The following ELP4 variants were observed in gnomAD, a reference collection of about 807,000 sequenced individuals.
The protein encoded by ELP4 is elongator acetyltransferase complex subunit 4.
ELP4 carries 51 observed loss-of-function variants against 48.9 expected under a neutral mutation model. The observed-to-expected ratio is 1.04, with a 90% CI of 0.83 to 1.32. The LOEUF is 1.32. ELP4 is among the 40% of genes most tolerant of loss of function. ELP4 has a pLI of 0.00. For synonymous variants in ELP4, 210 were observed against 189.2 expected (o/e 1.11, Z -0.90); for missense variants, 519 against 514.6 (o/e 1.01, Z -0.08).
chr11:31,716,659 C>T (rs1364515102), intron 9 of ELP4, among the ~76,000 whole-genome samples: 3 of 152,140 alleles, frequency 2.0e-5, no homozygotes, highest in East Asian at 3.8e-4. Flanking sequence ...AGATGATTTA[C>T]GTAGCTGGAC....
chr11:31,659,361 C>T (rs1377378111), intron 9 of ELP4, among the ~76,000 whole-genome samples: 1 of 152,056 alleles, frequency 6.6e-6, no homozygotes, highest in African/African-American at 2.4e-5. Context: ...TGTAGAGAAT[C>T]AAACTAAATC....
intron 9 of ELP4, among the ~76,000 whole-genome samples, chr11:31,669,857 T>G (rs951481100): frequency 1.3e-5 from 2 of 152,210 alleles, no homozygotes; most frequent in Non-Finnish European, 2.9e-5. Flanking sequence ...ACTGTTTAGA[T>G]TTTCCCTAAT....
At chr11:31,704,400 C>T (rs1398471568) in intron 9 of ELP4, among the ~76,000 whole-genome samples, 1 of 152,036 alleles carries the variant, frequency 6.6e-6, no homozygotes, top group Non-Finnish European at 1.5e-5. Context: ...AAAAACCATA[C>T]ACCGCATGTT....
In ELP4 at chr11:31,783,411, G is replaced by A; in HGVS notation, c.1162G>A (p.Asp388Asn). 3 of 1,613,422 alleles carry A rather than the reference G, an allele frequency of 1.9e-6. No homozygotes were observed. The South Asian group carries it at 3.3e-5, about 18-fold the overall frequency. Residue 388 changes from aspartate (D) to asparagine (N), a missense_variant, in exon 10 of 10, where the codon GAC becomes AAC. Transcript: ENST00000640961. ...FTIERLHLPP[D>N]LSDTVSRSSK... The stretch of plus-strand genomic sequence containing the variant: ...GCCATAGCGACTGCATTTGCCTCCA[G>A]ACTTGTCAGACACAGTGAGCCGCTC...
Position 31,789,959 on chromosome 11 carries a change from G to C in ELP4, c.*6435G>C, listed in dbSNP as rs781399901. 2.1e-6 allele frequency: 3 copies of C among 1,428,398 alleles called. No individual in the cohort carries two copies. Among genetic ancestry groups the C allele is most frequent in the Admixed American group, 1.9e-5 (1 of 53,200 alleles). The allele number at this position is 1,428,398 out of a possible 1,614,324, so 88.5% of individuals were successfully genotyped here. A position where few individuals can be genotyped will look rare whatever the true frequency, so the allele number is the denominator to read the frequency against. On this transcript the variant is annotated 3_prime_UTR_variant, in exon 10 of 10. Transcript: ENST00000640961. ...TTACTGTAATCTTGGCCAGTATTGAGACATATCAGGTTCACTTCCGGGAAC... is the reference window on the plus strand; with the variant it reads ...TTACTGTAATCTTGGCCAGTATTGACACATATCAGGTTCACTTCCGGGAAC...
intron 3 of ELP4, among the ~76,000 whole-genome samples, chr11:31,561,455 T>C (rs768926673): frequency 2.0e-5 from 3 of 149,178 alleles, no homozygotes; most frequent in Non-Finnish European, 4.5e-5. Context: ...TATTTTTTAT[T>C]TTTTGAGATG....
At chr11:31,518,297 C>T (rs1180275334) in intron 1 of ELP4, among the ~76,000 whole-genome samples, 2 of 151,092 alleles carry the variant, frequency 1.3e-5, no homozygotes, top group Admixed American at 6.6e-5. Flanking sequence ...GTAGAGACGG[C>T]GTTTCACTAT....
chr11:31,594,340 T>C (rs1356365070), intron 3 of ELP4, among the ~76,000 whole-genome samples: 1 of 152,152 alleles, frequency 6.6e-6, no homozygotes, highest in East Asian at 1.9e-4. Flanking sequence ...TTTTAGTGAA[T>C]TGCTTTTTTG....
chr11:31,544,748 C>T (rs1353092217), intron 3 of ELP4, among the ~76,000 whole-genome samples: 1 of 152,152 alleles, frequency 6.6e-6, no homozygotes, highest in East Asian at 1.9e-4. Flanking sequence ...CTGGGAGGCA[C>T]CCCCCAGTAG....
chr11:31,723,475 G>C (rs1184777388), intron 9 of ELP4, among the ~76,000 whole-genome samples: 1 of 152,058 alleles, frequency 6.6e-6, no homozygotes, highest in African/African-American at 2.4e-5. Context: ...CCAAACACAG[G>C]ACCCTTCGAA....
intron 7 of ELP4, chr11:31,646,133 A>C (rs561931331): frequency 6.6e-6 from 1 of 151,840 alleles, no homozygotes; most frequent in South Asian, 2.1e-4. Flanking sequence ...ACAGAACTGA[A>C]AGTAAGGAAT....
chr11:31,767,721 GA>G (rs1948069789), intron 9 of ELP4: 1 of 151,840 alleles, frequency 6.6e-6, no homozygotes. Context: ...ATTATTCATA[GA>G]AAAGCTTTCT....
chr11:31,558,758 C>T (rs778333743), intron 3 of ELP4, among the ~76,000 whole-genome samples: 31 of 151,990 alleles, frequency 2.0e-4, no homozygotes, highest in East Asian at 3.9e-4. Flanking sequence ...TTTTAGTCCT[C>T]CAATTTAATT....
Position 31,510,022 on chromosome 11 carries a change from G to A in ELP4, c.223+15G>A. 1 of 1,604,290 alleles carries A rather than the reference G, an allele frequency of 6.2e-7. No homozygotes were observed. ...CCAGCTCTTAGGTCGGTTCAGAGCG[G>A]AGATCTGGGCTCAGCCGAGGGGAAA... is the stretch of plus-strand genomic sequence containing the variant. On this transcript the variant is annotated intron_variant, in intron 1 of 9. Coordinates refer to ENST00000640961, the MANE Select transcript of ELP4 (RefSeq NM_019040.5).
chr11:31,586,346 T>G (rs898855667), intron 3 of ELP4, among the ~76,000 whole-genome samples: 3 of 152,076 alleles, frequency 2.0e-5, no homozygotes, highest in Non-Finnish European at 4.4e-5. Context: ...AAAAGGAGAA[T>G]CAGCTCAAGA....
rs933751620 is a variant in ELP4, at chr11:31,788,335, CCTT to C, written c.*4812_*4814del. ...TGTTGATGTGTCTGTGCTCATTATT[CCTT>C]GACATGCAACATCCCCCCTCCACCC... On this transcript the variant is annotated 3_prime_UTR_variant, in exon 10 of 10. Transcript: ENST00000640961. 2 of 224,566 alleles carry C rather than the reference CCTT, an allele frequency of 8.9e-6. No homozygotes were observed. The highest frequency in any genetic ancestry group is 2.2e-5 in the African/African-American group (1 of 44,816). The allele number at this position is 224,566 out of a possible 1,614,324, so 13.9% of individuals were successfully genotyped here.
chr11:31,593,227 C>CTGTTGT (rs61458094), intron 3 of ELP4, among the ~76,000 whole-genome samples: 14,099 of 149,880 alleles, frequency 0.094, 1,009 homozygotes, highest in African/African-American at 0.19. Flanking sequence ...GTGAATAATA[C>CTGTTGT]TGTTGTTGTT....
At chr11:31,756,321 A>C (rs139288066) in intron 9 of ELP4, among the ~76,000 whole-genome samples, 1 of 152,298 alleles carries the variant, frequency 6.6e-6, no homozygotes, top group African/African-American at 2.4e-5. Flanking sequence ...TTCAGAATGG[A>C]AGCCCTACAG....
intron 3 of ELP4, among the ~76,000 whole-genome samples, chr11:31,574,225 G>C (rs542089628): frequency 6.6e-6 from 1 of 152,326 alleles, no homozygotes; most frequent in Non-Finnish European, 1.5e-5. Context: ...CAAGGCAGCA[G>C]CGAGGCTGGG....
Sources: allele counts gnomAD v4.1 joint callset (sites outside exome capture counted in the v4.1 genomes callset), GRCh38; gene constraint gnomAD v4.1.1; transcripts MANE v1.5; gene names NCBI Gene and HGNC (gene_info 2026-07-23, HGNC 2026-07-21).